Variants in GOLGA4 observed in about 807,000 individuals in gnomAD.
GOLGA4 encodes golgin subfamily A member 4.
In GOLGA4, 169 loss-of-function variants were observed where a neutral mutation model predicts 265.9. That is an observed-to-expected ratio of 0.64 (90% confidence interval 0.56 to 0.72). The LOEUF (loss-of-function observed/expected upper bound fraction) is 0.72, where lower values mean the gene tolerates loss of function less well. Among genes scored for constraint, GOLGA4 ranks in the 30% least tolerant of loss-of-function variants. The pLI is 0.00. For synonymous variants in GOLGA4, 923 were observed against 855.8 expected, an observed-to-expected ratio of 1.08 and a Z score of -1.37; for missense variants, 2,482 against 2,483.4, an observed-to-expected ratio of 1.00 and a Z score of 0.01.
chr3:37,243,297 C>T lies in GOLGA4; in HGVS notation c.-254C>T, dbSNP rs2096707729. On this transcript the variant is annotated 5_prime_UTR_variant, in exon 1 of 24. Coordinates refer to ENST00000361924, the MANE Select transcript of GOLGA4 (RefSeq NM_002078.5). ...GTTCACCTGCTGCCGTTGTCGTCGC[C>T]GCCGCGGCTCCCGGGGCTGGATGGG... The T allele has an allele frequency of 1.8e-6, 1 of 545,004 alleles. No individual in the cohort carries two copies. 33.8% of individuals were successfully genotyped at this position (545,004 alleles called of 1,614,324 possible). A position where few individuals can be genotyped will look rare whatever the true frequency, so the allele number is the denominator to read the frequency against.
intron 1 of GOLGA4, among the ~76,000 whole-genome samples, chr3:37,248,050 A>AG (rs879588799): frequency 1.3e-5 from 2 of 152,184 alleles, no homozygotes; most frequent in Non-Finnish European, 2.9e-5. Flanking sequence ...CTGTAATATA[A>AG]CAATTATGAG....
At chr3:37,339,215 A>G (rs778507555) in intron 19 of GOLGA4, among the ~76,000 whole-genome samples, 1 of 152,130 alleles carries the variant, frequency 6.6e-6, no homozygotes, top group Non-Finnish European at 1.5e-5. Flanking sequence ...ATCCATCTTA[A>G]TAGCATATAT....
intron 17 of GOLGA4, among the ~76,000 whole-genome samples, chr3:37,336,484 G>A (rs545147596): frequency 9.9e-5 from 15 of 152,178 alleles, no homozygotes; most frequent in African/African-American, 3.6e-4. Context: ...AATTTGGCCG[G>A]GAGAGGTAGC....
chr3:37,253,225 T>G (rs1173107047), intron 2 of GOLGA4, among the ~76,000 whole-genome samples: 3 of 150,614 alleles, frequency 2.0e-5, no homozygotes, highest in Admixed American at 6.7e-5. Flanking sequence ...CCAGCCTAGG[T>G]GACACAGTAA....
intron 21 of GOLGA4, among the ~76,000 whole-genome samples, chr3:37,349,828 T>C (rs763392981): frequency 4.6e-5 from 7 of 152,204 alleles, no homozygotes; most frequent in Admixed American, 2.0e-4. Context: ...TTCATATGTC[T>C]TCTCACCTGT....
rs557112446 is a variant in GOLGA4, at chr3:37,314,502, A to C, written c.1235-918A>C. Among the ~76,000 whole-genome samples, 3 of 152,076 alleles carry C rather than the reference A, an allele frequency of 2.0e-5. No homozygotes were observed. The South Asian group carries it at 6.2e-4, about 32-fold the overall frequency. Reference sequence around the variant, plus strand: ...CTAAAAATACAAAAATTAGCCAGGCATGGTGGTGCATGCCTGTGGTCCCAG... The same window carrying C: ...CTAAAAATACAAAAATTAGCCAGGCCTGGTGGTGCATGCCTGTGGTCCCAG... On this transcript the variant is annotated intron_variant, in intron 10 of 23. Transcript: ENST00000361924.
chr3:37,350,878 A>C (rs2097071765), intron 21 of GOLGA4, among the ~76,000 whole-genome samples: 1 of 152,142 alleles, frequency 6.6e-6, no homozygotes. Flanking sequence ...CTGAGCCTTC[A>C]GCAAGTCATA....
At chr3:37,323,052 A>C (rs1396905773) in intron 13 of GOLGA4, among the ~76,000 whole-genome samples, 2 of 151,850 alleles carry the variant, frequency 1.3e-5, no homozygotes, top group Non-Finnish European at 2.9e-5. Context: ...AGGTTCCCCA[A>C]GTAAATAGAA....
At chr3:37,254,478 T>G (rs551676288) in intron 2 of GOLGA4, among the ~76,000 whole-genome samples, 1 of 152,212 alleles carries the variant, frequency 6.6e-6, no homozygotes, top group Non-Finnish European at 1.5e-5. Flanking sequence ...ATTGTTTTGT[T>G]TTAAAGATTG....
At chr3:37,316,970 T>A (rs977905428) in intron 11 of GOLGA4, among the ~76,000 whole-genome samples, 1 of 152,148 alleles carries the variant, frequency 6.6e-6, no homozygotes, top group Non-Finnish European at 1.5e-5. Flanking sequence ...GAATGTTCTA[T>A]ATTTTGCTTT....
chr3:37,319,270 A>T (rs1379840126), intron 12 of GOLGA4, 76 bp downstream of exon 12: 2 of 1,214,644 alleles, frequency 1.6e-6, no homozygotes, highest in African/African-American at 1.5e-5. Context: ...TCACTGTTGC[A>T]TTCCAGTTGG....
Position 37,299,302 on chromosome 3 carries a change from C to T in GOLGA4, c.1017C>T (p.Ala339=), listed in dbSNP as rs929277992. ...ATTTTTTTTAGGACCTTCATATGGCCGAGAAGACTAAACTTATCACTCAGT... is the reference window on the plus strand; with the variant it reads ...ATTTTTTTTAGGACCTTCATATGGCTGAGAAGACTAAACTTATCACTCAGT... ...ELEKIKDLHM[A]EKTKLITQLR... Residue 339 remains alanine (A), a synonymous_variant, in exon 9 of 24, where the codon GCC becomes GCT. Coordinates refer to ENST00000361924, the MANE Select transcript of GOLGA4 (RefSeq NM_002078.5). 18 of 1,610,636 alleles carry T rather than the reference C, an allele frequency of 1.1e-5. No individual in the cohort carries two copies. In the Middle Eastern group the frequency reaches 1.5e-3, roughly 133 times the overall value.
intron 2 of GOLGA4, among the ~76,000 whole-genome samples, chr3:37,272,550 T>G (rs1219347748): frequency 3.3e-5 from 5 of 152,156 alleles, no homozygotes; most frequent in Non-Finnish European, 7.3e-5. Context: ...AAAAAAGGAT[T>G]AAAAAATTTT....
At chr3:37,300,892 G>A (rs780357846) in intron 9 of GOLGA4, among the ~76,000 whole-genome samples, 4 of 151,974 alleles carry the variant, frequency 2.6e-5, no homozygotes, top group Non-Finnish European at 5.9e-5. Flanking sequence ...ATTGCAATTG[G>A]TTGATATGAC....
At chr3:37,328,575 A>C in intron 15 of GOLGA4, 38 bp downstream of exon 15, 1 of 1,554,428 alleles carries the variant, frequency 6.4e-7, no homozygotes, top group Non-Finnish European at 8.8e-7. Flanking sequence ...CAATTATATC[A>C]GCAGAGGCTA....
chr3:37,327,213 G>A lies in GOLGA4; in HGVS notation c.5327G>A (p.Arg1776His), dbSNP rs142530558. 4.9e-5 allele frequency: 79 copies of A among 1,613,828 alleles called. No homozygotes were observed. In the African/African-American group the frequency reaches 7.2e-4, roughly 15 times the overall value. The change falls in exon 14 of 24, where the codon CGC (arginine) becomes CAC (histidine). Residue 1776 changes from arginine (R) to histidine (H), a missense_variant. Arg to His is a conservative substitution (Grantham distance 29). Transcript: ENST00000361924. ...GAAATGCGATGCCAATACCAGGAGC[G>A]CTTAATAAAGCTAGAACATGCTGAG... ...HFEMRCQYQE[R>H]LIKLEHAEAK...
chr3:37,306,473 G>A (rs1203877645), intron 10 of GOLGA4, among the ~76,000 whole-genome samples: 3 of 150,902 alleles, frequency 2.0e-5, no homozygotes, highest in East Asian at 1.9e-4. Flanking sequence ...TAATGCTACC[G>A]AAGTTCACAC....
chr3:37,318,726 T>G (rs904818672), intron 11 of GOLGA4, among the ~76,000 whole-genome samples: 1 of 152,224 alleles, frequency 6.6e-6, no homozygotes, highest in Non-Finnish European at 1.5e-5. Context: ...AGGGCGCACC[T>G]TCACCAGTGT....
chr3:37,276,988 A>G (rs563922911), intron 2 of GOLGA4, among the ~76,000 whole-genome samples: 1 of 152,170 alleles, frequency 6.6e-6, no homozygotes, highest in African/African-American at 2.4e-5. Context: ...TTTTTTTTCC[A>G]TATTGGCATG....
Sources: allele counts gnomAD v4.1 joint callset (sites outside exome capture counted in the v4.1 genomes callset), GRCh38; gene constraint gnomAD v4.1.1; transcripts MANE v1.5; gene names NCBI Gene and HGNC (gene_info 2026-07-23, HGNC 2026-07-21).